EDA: variants seen among roughly 807,000 people sequenced by gnomAD.
The protein encoded by EDA is ectodysplasin A, also known as ectodysplasin-A.
Under a neutral mutation model 23.6 loss-of-function variants are expected in EDA, and 2 were observed. The observed-to-expected ratio is 0.08, with a 90% CI of 0.03 to 0.27. The LOEUF is 0.27. Ranked by LOEUF, EDA falls within the 10% of genes least tolerant of loss-of-function variation. The pLI is 1.00. For synonymous variants in EDA, 131 were observed against 132.0 expected (o/e 0.99, Z 0.05); for missense variants, 229 against 324.2 (o/e 0.71, Z 2.26).
At chrX:69,853,595 A>G (rs1282867900) in intron 1 of EDA, among the ~76,000 whole-genome samples, 1 of 112,236 alleles carries the variant, frequency 8.9e-6, no homozygotes, top group Non-Finnish European at 1.9e-5. Context: ...ATTGTGGTGA[A>G]AGTATGAAAC....
chrX:69,724,019 A>C (rs996347905), intron 1 of EDA, among the ~76,000 whole-genome samples: 1 of 111,792 alleles, frequency 8.9e-6, no homozygotes, highest in Admixed American at 9.5e-5. Flanking sequence ...AACTTGGATA[A>C]TTTAGATTCT....
intron 1 of EDA, among the ~76,000 whole-genome samples, chrX:69,686,040 C>T (rs1009798070): frequency 2.7e-5 from 3 of 112,085 alleles, no homozygotes; most frequent in Non-Finnish European, 5.6e-5. Flanking sequence ...CAGAGTCTTG[C>T]CCTTGTTGCC....
chrX:69,742,101 G>A (rs2013476661), intron 1 of EDA, among the ~76,000 whole-genome samples: 1 of 111,961 alleles, frequency 8.9e-6, no homozygotes, highest in Admixed American at 9.5e-5. Flanking sequence ...CTCTCCTGGT[G>A]TAGAATCTTG....
intron 1 of EDA, among the ~76,000 whole-genome samples, chrX:69,752,551 G>A (rs1270923103): frequency 9.0e-6 from 1 of 111,548 alleles, no homozygotes; most frequent in Non-Finnish European, 1.9e-5. Context: ...TCTTTGTTGT[G>A]TCTCTGCCAG....
At chrX:69,957,187 A>G in intron 2 of EDA, 55 bp downstream of exon 2, 2 of 1,105,239 alleles carry the variant, frequency 1.8e-6, no homozygotes, top group South Asian at 3.7e-5. Flanking sequence ...TAGTAAAAGT[A>G]TCCTTTTAAG....
At chrX:69,697,418 T>A in intron 1 of EDA, among the ~76,000 whole-genome samples, 1 of 111,499 alleles carries the variant, frequency 9.0e-6, no homozygotes, top group Non-Finnish European at 1.9e-5. Context: ...GGGGAGAATC[T>A]TTCATTCCCA....
intron 1 of EDA, among the ~76,000 whole-genome samples, chrX:69,777,929 G>T (rs973025402): frequency 2.7e-5 from 3 of 111,497 alleles, no homozygotes; most frequent in African/African-American, 9.8e-5. Context: ...TTTAGAGAAT[G>T]AATTCTACAT....
intron 1 of EDA, among the ~76,000 whole-genome samples, chrX:69,806,545 C>A (rs1389793673): frequency 9.0e-6 from 1 of 110,986 alleles, no homozygotes; most frequent in African/African-American, 3.3e-5. Context: ...AGACAATGTA[C>A]CCCACCTTCA....
At chrX:70,023,174 G>T in intron 2 of EDA, 44 bp from the exon 3 acceptor site, 1 of 916,082 alleles carries the variant, frequency 1.1e-6, no homozygotes, top group Non-Finnish European at 1.6e-6. Context: ...AACATTTTCT[G>T]TTCATTTCCA....
intron 1 of EDA, among the ~76,000 whole-genome samples, chrX:69,708,606 C>T (rs746549128): frequency 5.4e-5 from 6 of 110,843 alleles, no homozygotes; most frequent in Non-Finnish European, 1.1e-4. Context: ...GGCCCTATAA[C>T]TAATTTTGTA....
At chrX:69,681,286 G>C (rs1211094099) in intron 1 of EDA, among the ~76,000 whole-genome samples, 2 of 109,191 alleles carry the variant, frequency 1.8e-5, no homozygotes, top group Non-Finnish European at 3.8e-5. Context: ...TGGTGAATCT[G>C]ACAATTATGT....
intron 1 of EDA, among the ~76,000 whole-genome samples, chrX:69,646,117 A>G (rs759102940): frequency 9.0e-6 from 1 of 111,500 alleles, no homozygotes; most frequent in East Asian, 2.8e-4. Flanking sequence ...TATATGATCA[A>G]TTTTAGAGTA....
intron 1 of EDA, among the ~76,000 whole-genome samples, chrX:69,752,813 A>G (rs1253653233): frequency 9.0e-6 from 1 of 111,650 alleles, no homozygotes; most frequent in East Asian, 2.8e-4. Flanking sequence ...GGGAGGGTGT[A>G]TGTGTTGAGG....
At chrX:69,792,391 C>A (rs778466266) in intron 1 of EDA, among the ~76,000 whole-genome samples, 2 of 111,732 alleles carry the variant, frequency 1.8e-5, no homozygotes, top group Non-Finnish European at 3.8e-5. Context: ...TAGGTTGCTC[C>A]CATATTTTTG....
intron 1 of EDA, among the ~76,000 whole-genome samples, chrX:69,903,864 G>T (rs1269533900): frequency 1.8e-5 from 2 of 110,765 alleles, no homozygotes; most frequent in East Asian, 2.8e-4. Context: ...AGGCTGGAGT[G>T]CAGTGGCGTG....
At chrX:69,658,830 A>G (rs1319746892) in intron 1 of EDA, among the ~76,000 whole-genome samples, 1 of 111,766 alleles carries the variant, frequency 8.9e-6, no homozygotes, top group Non-Finnish European at 1.9e-5. Flanking sequence ...AGCTGCGCAG[A>G]TCAACCTGTG....
chrX:69,955,139 T>C (rs2018981360), intron 1 of EDA, among the ~76,000 whole-genome samples: 1 of 112,119 alleles, frequency 8.9e-6, no homozygotes, highest in Non-Finnish European at 1.9e-5. Flanking sequence ...TTTTATACTA[T>C]TATTAGTACT....
intron 1 of EDA, among the ~76,000 whole-genome samples, chrX:69,770,008 A>G (rs762673270): frequency 8.1e-5 from 9 of 111,733 alleles, no homozygotes; most frequent in Non-Finnish European, 1.1e-4. Context: ...AAGGAATCAT[A>G]GCGTATGTAT....
intron 1 of EDA, among the ~76,000 whole-genome samples, chrX:69,866,824 T>C (rs928777089): frequency 2.7e-5 from 3 of 112,050 alleles, no homozygotes; most frequent in African/African-American, 9.7e-5. Flanking sequence ...GCCTACTGCC[T>C]GCCGCACTTC....
Sources: gnomAD v4.1 joint callset for allele counts (sites outside exome capture counted in the v4.1 genomes callset) on GRCh38, gnomAD v4.1.1 for gene constraint, MANE v1.5 for transcripts, NCBI Gene and HGNC (gene_info 2026-07-23, HGNC 2026-07-21) for gene names.